Variants in TAFA1 observed in about 807,000 individuals in gnomAD.
TAFA1 encodes TAFA chemokine like family member 1, also known as chemokine-like protein TAFA-1.
TAFA1 carries 4 observed loss-of-function variants against 18.5 expected under a neutral mutation model. That is an observed-to-expected ratio of 0.22 (90% CI 0.11 to 0.49). TAFA1 has a LOEUF of 0.49. Ranked by LOEUF, TAFA1 falls within the 20% of genes least tolerant of loss-of-function variation. TAFA1 has a pLI of 0.98. For synonymous variants in TAFA1, 56 were observed against 55.2 expected, an observed-to-expected ratio of 1.01 and a Z score of -0.06; for missense variants, 147 against 169.0, an observed-to-expected ratio of 0.87 and a Z score of 0.72.
At chr3:68,031,978 A>T (rs940905028) in intron 2 of TAFA1, among the ~76,000 whole-genome samples, 1 of 152,146 alleles carries the variant, frequency 6.6e-6, no homozygotes, top group Admixed American at 6.6e-5. Flanking sequence ...TCTAAGCTGC[A>T]GTGTTTACCT....
At chr3:68,071,171 A>C (rs2064750061) in intron 2 of TAFA1, among the ~76,000 whole-genome samples, 1 of 152,266 alleles carries the variant, frequency 6.6e-6, no homozygotes. Context: ...AAAGGGTTTA[A>C]TGAACTTACA....
chr3:68,105,309 G>T (rs755419407), intron 2 of TAFA1, among the ~76,000 whole-genome samples: 12 of 152,284 alleles, frequency 7.9e-5, no homozygotes, highest in Non-Finnish European at 1.8e-4. Context: ...ACACATTCCA[G>T]TAGTACCATA....
At chr3:68,225,963 A>G (rs930237906) in intron 2 of TAFA1, among the ~76,000 whole-genome samples, 3 of 152,336 alleles carry the variant, frequency 2.0e-5, no homozygotes, top group East Asian at 3.9e-4. Context: ...ACATAAATTT[A>G]TAGCCTGTAG....
chr3:68,187,502 AATTG>A (rs2066285434), intron 2 of TAFA1, among the ~76,000 whole-genome samples: 1 of 151,994 alleles, frequency 6.6e-6, no homozygotes, highest in Non-Finnish European at 1.5e-5. Context: ...AGGTTTGTGA[AATTG>A]ATTATCTTGG....
At chr3:68,365,717 G>A (rs1387868855) in intron 2 of TAFA1, among the ~76,000 whole-genome samples, 1 of 152,112 alleles carries the variant, frequency 6.6e-6, no homozygotes, top group Non-Finnish European at 1.5e-5. Context: ...CAATCATGGT[G>A]GAAGGTGAAA....
chr3:68,178,611 C>T (rs923937491), intron 2 of TAFA1, among the ~76,000 whole-genome samples: 4 of 152,160 alleles, frequency 2.6e-5, no homozygotes, highest in African/African-American at 9.7e-5. Context: ...AAAGATACTC[C>T]AGGCTAAAAG....
At chr3:68,115,920 C>A (rs1416340252) in intron 2 of TAFA1, among the ~76,000 whole-genome samples, 3 of 152,106 alleles carry the variant, frequency 2.0e-5, no homozygotes, top group African/African-American at 7.2e-5. Context: ...TGGGGATGAA[C>A]CACCCTCTAG....
chr3:68,101,144 G>T (rs1287727702), intron 2 of TAFA1, among the ~76,000 whole-genome samples: 1 of 151,958 alleles, frequency 6.6e-6, no homozygotes, highest in Non-Finnish European at 1.5e-5. Context: ...TATTTTTCCT[G>T]ATCATCTCCT....
At chr3:68,180,524 A>G (rs1391010763) in intron 2 of TAFA1, among the ~76,000 whole-genome samples, 1 of 152,202 alleles carries the variant, frequency 6.6e-6, no homozygotes, top group Admixed American at 6.5e-5. Flanking sequence ...CAGATGATTT[A>G]TCGTAAATAC....
chr3:68,087,445 ATTAT>A (rs1334180905), intron 2 of TAFA1, among the ~76,000 whole-genome samples: 3 of 152,150 alleles, frequency 2.0e-5, no homozygotes, highest in African/African-American at 2.4e-5. Context: ...ATAAAAATAG[ATTAT>A]TTATAACTAC....
chr3:67,993,697 G>A, the TAFA1 span, among the ~76,000 whole-genome samples: 77 of 152,288 alleles, frequency 5.1e-4, no homozygotes, highest in African/African-American at 1.8e-3. Flanking sequence ...AACTGAGTCA[G>A]TTTAGTATAC....
chr3:68,261,106 A>G (rs555028728), intron 2 of TAFA1, among the ~76,000 whole-genome samples: 1 of 152,206 alleles, frequency 6.6e-6, no homozygotes, highest in Non-Finnish European at 1.5e-5. Context: ...TGGGCGAAGG[A>G]TATGAACAGA....
At chr3:68,246,515 G>A (rs1263796705) in intron 2 of TAFA1, among the ~76,000 whole-genome samples, 2 of 147,052 alleles carry the variant, frequency 1.4e-5, no homozygotes, top group Non-Finnish European at 3.0e-5. Context: ...GCGTGAACCC[G>A]GGAGGCGGAG....
chr3:68,198,461 GTGTC>G (rs1289561634), intron 2 of TAFA1, among the ~76,000 whole-genome samples: 1 of 151,628 alleles, frequency 6.6e-6, no homozygotes, highest in Non-Finnish European at 1.5e-5. Context: ...GTCTTCAAAA[GTGTC>G]TGTAATATTT....
At chr3:68,172,753 A>G (rs2066072291) in intron 2 of TAFA1, among the ~76,000 whole-genome samples, 1 of 152,216 alleles carries the variant, frequency 6.6e-6, no homozygotes, top group Non-Finnish European at 1.5e-5. Context: ...TGTTGAATGA[A>G]TAAAGGCAGT....
intron 2 of TAFA1, among the ~76,000 whole-genome samples, chr3:68,154,633 G>T (rs558981911): frequency 6.6e-6 from 1 of 152,278 alleles, no homozygotes; most frequent in Admixed American, 6.5e-5. Context: ...TTTTAGAGAA[G>T]CCATATAGCC....
At position 68,418,441 on chromosome 3, in the gene TAFA1, T is replaced by A. The variant is rs56907907; in HGVS notation, c.259+1021T>A. 1.6e-4 allele frequency among the ~76,000 whole-genome samples: 8 copies of A among 51,396 alleles called. 2 individuals carry two copies. The highest frequency in any genetic ancestry group is 4.0e-4 in the Admixed American group (2 of 4,996). The allele number at this position is 51,396 out of a possible 152,430, so 33.7% of individuals were successfully genotyped here. ...CACTTAAGGGAAGGACCGGCCATTTTCACTTCTTTTGTGGTGGAATATCAT... is the reference window on the plus strand; with the variant it reads ...CACTTAAGGGAAGGACCGGCCATTTACACTTCTTTTGTGGTGGAATATCAT... On this transcript the variant is annotated intron_variant, in intron 3 of 4. Transcript: ENST00000478136.
chr3:68,043,994 C>A (rs1486909412), intron 2 of TAFA1, among the ~76,000 whole-genome samples: 1 of 152,158 alleles, frequency 6.6e-6, no homozygotes, highest in Non-Finnish European at 1.5e-5. Flanking sequence ...CCCAGCCAAC[C>A]TTTTCCACTC....
At chr3:68,481,293 C>A (rs2072232417) in intron 3 of TAFA1, among the ~76,000 whole-genome samples, 3 of 152,174 alleles carry the variant, frequency 2.0e-5, no homozygotes, top group African/African-American at 7.2e-5. Flanking sequence ...CCAGGGAGAT[C>A]ATCTGAGACC....
Sources: gnomAD v4.1 joint callset for allele counts (sites outside exome capture counted in the v4.1 genomes callset) on GRCh38, gnomAD v4.1.1 for gene constraint, MANE v1.5 for transcripts, NCBI Gene and HGNC (gene_info 2026-07-23, HGNC 2026-07-21) for gene names.